CEP89: variants seen among roughly 807,000 people sequenced by gnomAD.
CEP89 encodes centrosomal protein 89.
Under a neutral mutation model 97.6 loss-of-function variants are expected in CEP89, and 95 were observed. That is an observed-to-expected ratio of 0.97 (90% CI 0.82 to 1.15). The LOEUF is 1.15. Among genes scored for constraint, CEP89 ranks in the 50% most tolerant of loss-of-function variants. The pLI, the probability that CEP89 is intolerant of heterozygous loss-of-function variation, is 0.00. For missense variants in CEP89, 869 were observed against 947.7 expected, an observed-to-expected ratio of 0.92 and a Z score of 1.09; for synonymous variants, 354 against 349.1, an observed-to-expected ratio of 1.01 and a Z score of -0.16.
rs779345339 is a variant in CEP89, at chr19:32,901,289, G to A, written c.1689C>T (p.Asn563=). ...LLEKNSLTEQ[N]KALEAELERA... Reference sequence around the variant, plus strand: ...GTTCAAGTTCGGCTTCCAGTGCTTTGTTTTGCTCTGTCAAACTGTTCTTCT... The same window carrying A: ...GTTCAAGTTCGGCTTCCAGTGCTTTATTTTGCTCTGTCAAACTGTTCTTCT... The change falls in exon 15 of 19, where the codon AAC becomes AAT. Residue 563 remains asparagine (N), a synonymous_variant. Coordinates refer to ENST00000305768, the MANE Select transcript of CEP89 (RefSeq NM_032816.5). 6.2e-7 allele frequency: 1 copy of A among 1,614,102 alleles called. No homozygotes were observed. Among genetic ancestry groups the A allele is most frequent in the South Asian group, 1.1e-5 (1 of 91,070 alleles).
intron 7 of CEP89, among the ~76,000 whole-genome samples, chr19:32,935,889 C>G (rs917787421): frequency 3.3e-5 from 5 of 152,206 alleles, no homozygotes; most frequent in Non-Finnish European, 7.4e-5. Context: ...GTGCCTGATC[C>G]CACTGCCTGG....
intron 2 of CEP89, among the ~76,000 whole-genome samples, chr19:32,964,289 A>C (rs969066904): frequency 2.6e-5 from 4 of 152,010 alleles, no homozygotes; most frequent in Non-Finnish European, 5.9e-5. Flanking sequence ...CTCGTGCCTC[A>C]GCCTCCCCAG....
chr19:32,959,661 C>T (rs1971122347), intron 3 of CEP89, among the ~76,000 whole-genome samples: 1 of 152,150 alleles, frequency 6.6e-6, no homozygotes, highest in South Asian at 2.1e-4. Context: ...CTAACAAGAT[C>T]CACTATGGAG....
intron 16 of CEP89, among the ~76,000 whole-genome samples, chr19:32,899,135 T>C (rs202157861): frequency 4.9e-5 from 2 of 41,230 alleles, no homozygotes; most frequent in Non-Finnish European, 5.2e-5. Context: ...ATTAGCATTT[T>C]TTTTTTTTTT....
intron 4 of CEP89, among the ~76,000 whole-genome samples, chr19:32,952,540 C>T (rs1970942794): frequency 6.6e-6 from 1 of 151,104 alleles, no homozygotes; most frequent in East Asian, 2.0e-4. Flanking sequence ...ATAATCAATA[C>T]CGGTGTAGCT....
chr19:32,921,074 T>C (rs971644414), intron 12 of CEP89, among the ~76,000 whole-genome samples: 2 of 150,494 alleles, frequency 1.3e-5, no homozygotes, highest in Non-Finnish European at 3.0e-5. Flanking sequence ...AAAAAAAAAT[T>C]AGCCAGGCGT....
intron 14 of CEP89, among the ~76,000 whole-genome samples, chr19:32,904,485 C>T (rs966504386): frequency 6.6e-6 from 1 of 152,164 alleles, no homozygotes; most frequent in Admixed American, 6.6e-5. Context: ...AATCTTTCCA[C>T]ATCTATTTGT....
chr19:32,922,270 A>G (rs1289304373), intron 12 of CEP89, among the ~76,000 whole-genome samples: 1 of 152,196 alleles, frequency 6.6e-6, no homozygotes, highest in Admixed American at 6.5e-5. Context: ...GGCCGGGTGC[A>G]GTGGCTCCAG....
intron 16 of CEP89, among the ~76,000 whole-genome samples, chr19:32,892,575 G>C (rs1195874316): frequency 6.6e-6 from 1 of 151,614 alleles, no homozygotes; most frequent in South Asian, 2.1e-4. Context: ...CAAAGTGCTG[G>C]GATTACAGGT....
At chr19:32,921,043 CCT>C (rs1027641406) in intron 12 of CEP89, among the ~76,000 whole-genome samples, 3 of 151,126 alleles carry the variant, frequency 2.0e-5, no homozygotes, top group African/African-American at 7.3e-5. Flanking sequence ...CGTGGTGAAA[CCT>C]CGTCTCTACT....
intron 3 of CEP89, among the ~76,000 whole-genome samples, chr19:32,957,228 C>T (rs1235426066): frequency 6.6e-6 from 1 of 151,684 alleles, no homozygotes; most frequent in Non-Finnish European, 1.5e-5. Flanking sequence ...TTGGGATGTT[C>T]GTGGTTAAAA....
rs200567118 is a variant in CEP89 at position 32,964,839 on chromosome 19, G to GAT, written c.146+1519_146+1520dup. 6.4e-3 allele frequency among the ~76,000 whole-genome samples: 971 copies of GAT among 152,248 alleles called. 15 individuals carry two copies. Among genetic ancestry groups the GAT allele is most frequent in the African/African-American group, 0.022 (924 of 41,562 alleles). ...CATGAGGACCCTTGTCAGAATGATA[G>GAT]ATATATTTATTATCTTTTTTTCTTT... On this transcript the variant is annotated intron_variant, in intron 2 of 18. Coordinates refer to ENST00000305768, the MANE Select transcript of CEP89 (RefSeq NM_032816.5).
At chr19:32,962,049 C>CAA (rs60927897) in intron 2 of CEP89, among the ~76,000 whole-genome samples, 29,224 of 138,146 alleles carry the variant, frequency 0.21, 2,850 homozygotes, top group East Asian at 0.23. Context: ...TTTCCATATG[C>CAA]AAAAAAAAAA....
rs559862913 is a variant in CEP89 at position 32,918,347 on chromosome 19, T to C, written c.1269-8A>G. ...TGAGTCTGAAGCTGACGCCTGCAAT[T>C]GATTTACAAGATGAAATACTGTGAT... On this transcript the variant is annotated splice_region_variant and splice_polypyrimidine_tract_variant and intron_variant, in intron 12 of 18. Transcript: ENST00000305768. 1 of 1,598,492 alleles carries C rather than the reference T, an allele frequency of 6.3e-7. No individual in the cohort carries two copies. The highest frequency in any genetic ancestry group is 2.2e-5 in the East Asian group (1 of 44,812).
Position 32,878,977 on chromosome 19 carries a change from A to AAT in CEP89, c.*184_*185insAT, listed in dbSNP as rs1367789358. The AAT allele has an allele frequency of 2.2e-6, 1 of 464,500 alleles. No homozygotes were observed. The highest frequency in any genetic ancestry group is 3.7e-6 in the Non-Finnish European group (1 of 266,920). The allele number at this position is 464,500 out of a possible 1,614,324, so 28.8% of individuals were successfully genotyped here. On this transcript the variant is annotated 3_prime_UTR_variant, in exon 19 of 19. Coordinates refer to ENST00000305768, the MANE Select transcript of CEP89 (RefSeq NM_032816.5). ...ACCCTAGCTCTAAAAAAAAAAAAAAATTAAAAAATAAAGCAAAATGTTATC... is the reference window on the plus strand; with the variant it reads ...ACCCTAGCTCTAAAAAAAAAAAAAAAATTTAAAAAATAAAGCAAAATGTTATC...
chr19:32,908,281 C>T (rs1197448213), intron 14 of CEP89, among the ~76,000 whole-genome samples: 1 of 152,170 alleles, frequency 6.6e-6, no homozygotes, highest in Non-Finnish European at 1.5e-5. Context: ...AACAAAGATG[C>T]CACCAAATCT....
chr19:32,925,136 C>T (rs1970327479), intron 11 of CEP89, among the ~76,000 whole-genome samples: 1 of 152,102 alleles, frequency 6.6e-6, no homozygotes, highest in African/African-American at 2.4e-5. Context: ...AAAGGACCCT[C>T]CCAGCTCAGG....
Position 32,948,251 on chromosome 19 carries a change from GT to G in CEP89, c.595+14del, listed in dbSNP as rs111459935. 1.8e-4 allele frequency: 241 copies of G among 1,347,984 alleles called. 2 individuals carry two copies. The highest frequency in any genetic ancestry group is 4.8e-4 in the East Asian group (20 of 41,582). The allele number at this position is 1,347,984 out of a possible 1,614,324, so 83.5% of individuals were successfully genotyped here. On this transcript the variant is annotated intron_variant, in intron 5 of 18. Coordinates refer to ENST00000305768, the MANE Select transcript of CEP89 (RefSeq NM_032816.5). ...GTTCTTATATTTTATAAAAATTGTGGTTTTTTTTTTCTACCTTTTTGTTGTG... is the reference window on the plus strand; with the variant it reads ...GTTCTTATATTTTATAAAAATTGTGGTTTTTTTTTCTACCTTTTTGTTGTG...
At chr19:32,959,753 A>C (rs1263134422) in intron 3 of CEP89, 147 bp downstream of exon 3, 1 of 753,584 alleles carries the variant, frequency 1.3e-6, no homozygotes, top group Non-Finnish European at 2.1e-6. Flanking sequence ...CTAAGACTCT[A>C]GTCATAAATA....
Sources: gnomAD v4.1 joint callset for allele counts (sites outside exome capture counted in the v4.1 genomes callset) on GRCh38, gnomAD v4.1.1 for gene constraint, MANE v1.5 for transcripts, NCBI Gene and HGNC (gene_info 2026-07-23, HGNC 2026-07-21) for gene names.